Variants in MAP3K20 observed in about 807,000 individuals in gnomAD.
MAP3K20 encodes the protein mitogen-activated protein kinase kinase kinase 20.
A neutral mutation model predicts 85.7 loss-of-function variants in MAP3K20; 40 were observed. The observed-to-expected ratio is 0.47, with a 90% CI of 0.36 to 0.61. The LOEUF is 0.61. Ranked by LOEUF, MAP3K20 falls within the 20% of genes least tolerant of loss-of-function variation. The pLI, the probability that MAP3K20 is intolerant of heterozygous loss-of-function variation, is 0.00. For synonymous variants in MAP3K20, 325 were observed against 327.7 expected (o/e 0.99, Z 0.09); for missense variants, 817 against 961.7 (o/e 0.85, Z 1.99).
chr2:173,090,687 A>G, intron 1 of MAP3K20: 5 of 1,013,476 alleles, frequency 4.9e-6, no homozygotes, highest in Non-Finnish European at 5.9e-6. Context: ...CTGGTGACAC[A>G]GTAGCCTTTC....
chr2:173,208,597 T>G (rs966769464), intron 9 of MAP3K20, among the ~76,000 whole-genome samples: 1 of 152,188 alleles, frequency 6.6e-6, no homozygotes, highest in African/African-American at 2.4e-5. Context: ...GGCACACACA[T>G]GCACACAAGT....
Position 173,266,962 on chromosome 2 carries a change from A to T in MAP3K20, c.*212A>T. 2.5e-6 allele frequency: 1 copy of T among 396,666 alleles called. No individual in the cohort carries two copies. Among genetic ancestry groups the T allele is most frequent in the Admixed American group, 4.1e-5 (1 of 24,492 alleles). The allele number at this position is 396,666 out of a possible 1,614,324, so 24.6% of individuals were successfully genotyped here. A position where few individuals can be genotyped will look rare whatever the true frequency, so the allele number is the denominator to read the frequency against. On this transcript the variant is annotated 3_prime_UTR_variant, in exon 20 of 20. Coordinates refer to ENST00000375213, the MANE Select transcript of MAP3K20 (RefSeq NM_016653.3). The stretch of plus-strand genomic sequence containing the variant: ...ACCCAGTGATCATAACTAGGCTTGA[A>T]AATCACTACACATATTTTCTGCCTT...
At chr2:173,261,423 G>C (rs1446060346) in intron 18 of MAP3K20, among the ~76,000 whole-genome samples, 1 of 152,150 alleles carries the variant, frequency 6.6e-6, no homozygotes, top group Non-Finnish European at 1.5e-5. Flanking sequence ...AAGATGTTTG[G>C]TATTGGGGAT....
intron 2 of MAP3K20, among the ~76,000 whole-genome samples, chr2:173,157,629 T>C (rs1689517876): frequency 6.6e-6 from 1 of 152,246 alleles, no homozygotes; most frequent in African/African-American, 2.4e-5. Flanking sequence ...AGTAATATTA[T>C]AAAGCACTTA....
At chr2:173,238,297 T>TA (rs1188655919) in intron 14 of MAP3K20, 76 bp from the exon 15 acceptor site, 2 of 1,281,252 alleles carry the variant, frequency 1.6e-6, no homozygotes, top group Admixed American at 2.1e-5. Context: ...AGGAATGTTT[T>TA]TGTTTGTACC....
In MAP3K20 at chr2:173,266,859, A is replaced by T; in HGVS notation, c.*109A>T. On this transcript the variant is annotated 3_prime_UTR_variant, in exon 20 of 20. Transcript: ENST00000375213. ...CAGATTGAATTAACGAAAAGACAACACTTCCAGTTTTTGGATTGGGAAATA... is the reference window on the plus strand; with the variant it reads ...CAGATTGAATTAACGAAAAGACAACTCTTCCAGTTTTTGGATTGGGAAATA... 8.9e-7 allele frequency: 1 copy of T among 1,123,418 alleles called. No homozygotes were observed. The highest frequency in any genetic ancestry group is 1.2e-6 in the Non-Finnish European group (1 of 843,380). 69.6% of individuals were successfully genotyped at this position (1,123,418 alleles called of 1,614,324 possible). A position where few individuals can be genotyped will look rare whatever the true frequency, so the allele number is the denominator to read the frequency against.
chr2:173,239,308 AG>A, intron 15 of MAP3K20, 95 bp from the exon 16 acceptor site: 1 of 921,152 alleles, frequency 1.1e-6, no homozygotes, highest in Non-Finnish European at 1.6e-6. Flanking sequence ...AGATTAGAAT[AG>A]AAAAAAAAAA....
intron 2 of MAP3K20, among the ~76,000 whole-genome samples, chr2:173,164,778 T>A (rs548530450): frequency 6.6e-6 from 1 of 152,330 alleles, no homozygotes; most frequent in South Asian, 2.1e-4. Context: ...TTAACTTCTT[T>A]TAATATCTCT....
chr2:173,206,016 C>T (rs1019642993), intron 9 of MAP3K20, among the ~76,000 whole-genome samples: 8 of 152,116 alleles, frequency 5.3e-5, no homozygotes, highest in African/African-American at 1.9e-4. Flanking sequence ...CCTTCCCTAC[C>T]CTTCTTACTA....
chr2:173,160,269 A>G (rs1689616469), intron 2 of MAP3K20: 1 of 152,208 alleles, frequency 6.6e-6, no homozygotes, highest in Admixed American at 6.5e-5. Flanking sequence ...TGTTAAGCCC[A>G]AAGTGACTCA....
In MAP3K20 at chr2:173,239,331, C is replaced by T. The variant is rs921554741; in HGVS notation, c.1267-73C>T. The T allele has an allele frequency of 3.2e-6, 4 of 1,243,454 alleles. No homozygotes were observed. In the Admixed American group the frequency reaches 8.6e-5, roughly 27 times the overall value. The allele number at this position is 1,243,454 out of a possible 1,614,324, so 77.0% of individuals were successfully genotyped here. A position where few individuals can be genotyped will look rare whatever the true frequency, so the allele number is the denominator to read the frequency against. ...ATAGAAAAAAAAAAAAAACTAGTGC[C>T]AAGATATCATCTTCTTTACATGAGA... On this transcript the variant is annotated intron_variant, in intron 15 of 19. Transcript: ENST00000375213.
chr2:173,108,584 A>G (rs757978427), intron 2 of MAP3K20, among the ~76,000 whole-genome samples: 1 of 152,192 alleles, frequency 6.6e-6, no homozygotes, highest in Non-Finnish European at 1.5e-5. Flanking sequence ...TTCCATGTAT[A>G]AGATTGGTAG....
At chr2:173,204,079 C>T (rs1031446056) in intron 9 of MAP3K20, among the ~76,000 whole-genome samples, 2 of 152,206 alleles carry the variant, frequency 1.3e-5, no homozygotes, top group East Asian at 1.9e-4. Flanking sequence ...TCTCATAGCA[C>T]GCTTTGACAT....
chr2:173,203,282 A>G (rs545038050), intron 8 of MAP3K20, among the ~76,000 whole-genome samples: 1 of 152,292 alleles, frequency 6.6e-6, no homozygotes, highest in Admixed American at 6.5e-5. Context: ...TGACCAAAAC[A>G]AAGCCGTAAT....
intron 2 of MAP3K20, among the ~76,000 whole-genome samples, chr2:173,112,983 A>T (rs34862313): frequency 0.26 from 39,247 of 151,980 alleles, 6,686 homozygotes; most frequent in Non-Finnish European, 0.37. Context: ...AATAGTGGTC[A>T]AAAGGATTGG....
At chr2:173,221,901 C>A in intron 11 of MAP3K20, 1 of 992,222 alleles carries the variant, frequency 1.0e-6, no homozygotes, top group Non-Finnish European at 1.2e-6. Context: ...TAAAAACTTA[C>A]ATTTTGAACA....
chr2:173,144,473 A>T, intron 2 of MAP3K20, among the ~76,000 whole-genome samples: 1 of 110,196 alleles, frequency 9.1e-6, no homozygotes, highest in Non-Finnish European at 1.8e-5. Context: ...AAAAAAAAAA[A>T]AAAAAAAAAA....
In MAP3K20 at chr2:173,102,968, G is replaced by C. The variant is rs541067629; in HGVS notation, c.159+11778G>C. ...CTCGGGAGGCTGAGGGAGGAGAATC[G>C]CTTGAACCCAGGAATTAGAGGTTGC... On this transcript the variant is annotated intron_variant, in intron 2 of 19. Coordinates refer to ENST00000375213, the MANE Select transcript of MAP3K20 (RefSeq NM_016653.3). 8.6e-5 allele frequency among the ~76,000 whole-genome samples: 13 copies of C among 152,008 alleles called. No homozygotes were observed. The South Asian group carries it at 2.7e-3, about 32-fold the overall frequency.
chr2:173,195,243 T>A (rs1559272428), intron 7 of MAP3K20, among the ~76,000 whole-genome samples: 1 of 150,576 alleles, frequency 6.6e-6, no homozygotes, highest in Non-Finnish European at 1.5e-5. Context: ...AGGATTACCT[T>A]CTTAGAAGCT....
Sources: gnomAD v4.1 joint callset for allele counts (sites outside exome capture counted in the v4.1 genomes callset) on GRCh38, gnomAD v4.1.1 for gene constraint, MANE v1.5 for transcripts, NCBI Gene and HGNC (gene_info 2026-07-23, HGNC 2026-07-21) for gene names.